Variants in FAM118A observed in about 807,000 individuals in gnomAD.
The protein encoded by FAM118A is SIR2 antiphage like 2, also known as protein FAM118A.
FAM118A carries 25 observed loss-of-function variants against 38.2 expected under a neutral mutation model. That is an observed-to-expected ratio of 0.65 (90% CI 0.48 to 0.91). FAM118A has a LOEUF of 0.91. Among genes scored for constraint, FAM118A ranks in the 40% least tolerant of loss-of-function variants. The pLI is 0.00. For synonymous variants in FAM118A, 178 were observed against 184.1 expected (o/e 0.97, Z 0.27); for missense variants, 425 against 463.3 (o/e 0.92, Z 0.76).
rs556487658 is a variant in FAM118A at position 45,327,919 on chromosome 22, G to C, written c.378G>C (p.Arg126=). 5.0e-5 allele frequency: 81 copies of C among 1,614,238 alleles called. No individual in the cohort carries two copies. The South Asian group carries it at 8.2e-4, about 16-fold the overall frequency. The change falls in exon 4 of 9, where the codon CGG becomes CGC. Residue 126 remains arginine, a synonymous_variant. Transcript: ENST00000441876. ...EVFDDLEQHI[R]SPVVLQSILS... ...TTGACGACCTGGAGCAGCACATCCG[G>C]AGTCCTGTGGTGCTGCAGTCGATCC...
chr22:45,313,665 A>G (rs2084477790), intron 1 of FAM118A, among the ~76,000 whole-genome samples: 1 of 152,180 alleles, frequency 6.6e-6, no homozygotes, highest in African/African-American at 2.4e-5. Context: ...GTATGGATTA[A>G]ACAGATTTAG....
chr22:45,314,284 G>A (rs1195609433), intron 1 of FAM118A, among the ~76,000 whole-genome samples: 1 of 152,242 alleles, frequency 6.6e-6, no homozygotes, highest in African/African-American at 2.4e-5. Flanking sequence ...TTTTCCTGGA[G>A]CTGCTCTGCC....
Position 45,330,673 on chromosome 22 carries a change from G to C in FAM118A, c.593G>C (p.Cys198Ser). 1 of 1,605,174 alleles carries C rather than the reference G, an allele frequency of 6.2e-7. No homozygotes were observed. Among genetic ancestry groups the C allele is most frequent in the Non-Finnish European group, 8.5e-7 (1 of 1,176,936 alleles). ...ATTCACGGCCTCTACACGGACCCCT[G>C]CGGGGTGGTGCTGGACCCATCGGGG... ...LHIHGLYTDP[C>S]GVVLDPSGYK... Residue 198 changes from cysteine (C) to serine (S), a missense_variant, in exon 5 of 9, where the codon TGC becomes TCC. Cys to Ser is a moderately radical substitution (Grantham distance 112). Coordinates refer to ENST00000441876, the MANE Select transcript of FAM118A (RefSeq NM_017911.4).
intron 5 of FAM118A, among the ~76,000 whole-genome samples, chr22:45,331,324 T>TA (rs1439403018): frequency 6.6e-6 from 1 of 151,288 alleles, no homozygotes; most frequent in African/African-American, 2.4e-5. Flanking sequence ...ACCTCATTTC[T>TA]AAAAAAATAA....
Position 45,309,964 on chromosome 22 carries a change from G to A in FAM118A, c.-229G>A, listed in dbSNP as rs959291156. ...GGCGCCGCTGCCGGCTAACGCGGAG[G>A]GGCGCCTGGAGGCGGCGTGGCGTCC... On this transcript the variant is annotated 5_prime_UTR_variant, in exon 1 of 9. Coordinates refer to ENST00000441876, the MANE Select transcript of FAM118A (RefSeq NM_017911.4). The A allele has an allele frequency of 6.6e-6, 1 of 152,278 alleles. No homozygotes were observed. Among genetic ancestry groups the A allele is most frequent in the African/African-American group, 2.4e-5 (1 of 41,436 alleles). The allele number at this position is 152,278 out of a possible 1,614,324, so 9.4% of individuals were successfully genotyped here.
intron 8 of FAM118A, chr22:45,337,839 T>C: frequency 2.0e-6 from 2 of 985,420 alleles, no homozygotes; most frequent in Non-Finnish European, 2.4e-6. Context: ...TGCAGGTGTC[T>C]GTGCCATCCT....
At chr22:45,311,319 C>T (rs193209567) in intron 1 of FAM118A, among the ~76,000 whole-genome samples, 6 of 152,186 alleles carry the variant, frequency 3.9e-5, no homozygotes, top group African/African-American at 7.2e-5. Flanking sequence ...ATGAAGGTGG[C>T]GTGGGAGTGA....
intron 4 of FAM118A, chr22:45,328,771 C>G (rs1439682600): frequency 8.7e-6 from 3 of 343,334 alleles, no homozygotes; most frequent in Non-Finnish European, 1.6e-5. Flanking sequence ...GAGTGAGACC[C>G]TGTCTCAAAA....
intron 3 of FAM118A, among the ~76,000 whole-genome samples, chr22:45,324,334 G>C (rs1195288060): frequency 6.6e-6 from 1 of 152,244 alleles, no homozygotes; most frequent in Non-Finnish European, 1.5e-5. Flanking sequence ...TCAACAGGCA[G>C]CTTCCGTCGG....
chr22:45,318,929 A>G (rs1457361983), intron 1 of FAM118A: 1 of 152,216 alleles, frequency 6.6e-6, no homozygotes, highest in Non-Finnish European at 1.5e-5. Flanking sequence ...CGAGCCACAG[A>G]CCACCCAGGA....
chr22:45,323,111 A>G (rs1365781659), intron 2 of FAM118A, 64 bp from the exon 3 acceptor site: 4 of 1,583,976 alleles, frequency 2.5e-6, no homozygotes, highest in African/African-American at 1.3e-5. Context: ...AGACAGTTCC[A>G]GACTTTGTGT....
intron 3 of FAM118A, 78 bp from the exon 4 acceptor site, chr22:45,327,764 C>G: frequency 2.1e-6 from 3 of 1,446,358 alleles, no homozygotes; most frequent in East Asian, 2.3e-5. Context: ...TCTCTGGCAC[C>G]CAGAAAATGG....
chr22:45,339,662 A>G (rs542502275), intron 8 of FAM118A, among the ~76,000 whole-genome samples: 1 of 152,172 alleles, frequency 6.6e-6, no homozygotes, highest in African/African-American at 2.4e-5. Flanking sequence ...TGTTTTCTGC[A>G]TATCTGGGCT....
intron 1 of FAM118A, among the ~76,000 whole-genome samples, chr22:45,317,158 C>T (rs993333200): frequency 6.6e-6 from 1 of 152,206 alleles, no homozygotes; most frequent in Non-Finnish European, 1.5e-5. Flanking sequence ...AAGTGGATTG[C>T]TTGAGGTCAG....
chr22:45,323,523 G>C, intron 3 of FAM118A, 96 bp downstream of exon 3: 5 of 1,485,596 alleles, frequency 3.4e-6, no homozygotes, highest in Non-Finnish European at 4.6e-6. Context: ...GGCCTAACTT[G>C]TGTTCAGTGC....
At chr22:45,330,252 C>T (rs1238592766) in intron 4 of FAM118A, among the ~76,000 whole-genome samples, 2 of 152,182 alleles carry the variant, frequency 1.3e-5, no homozygotes, top group Admixed American at 1.3e-4. Context: ...GTTGCCCAGG[C>T]TGGTCTCGAA....
intron 1 of FAM118A, among the ~76,000 whole-genome samples, chr22:45,313,372 G>T: frequency 6.7e-6 from 1 of 149,808 alleles, no homozygotes; most frequent in Non-Finnish European, 1.5e-5. Flanking sequence ...GCCAGGGCTG[G>T]AGTGCAATGG....
intron 8 of FAM118A, chr22:45,337,745 TG>T: frequency 2.6e-6 from 2 of 781,288 alleles, no homozygotes; most frequent in Non-Finnish European, 3.1e-6. Context: ...TCCCTTGCTC[TG>T]GCCCCCCATC....
At chr22:45,327,674 C>T (rs965006656) in intron 3 of FAM118A, among the ~76,000 whole-genome samples, 168 bp from the exon 4 acceptor site, 18 of 152,240 alleles carry the variant, frequency 1.2e-4, no homozygotes, top group Non-Finnish European at 2.4e-4. Context: ...GCGTGCTACA[C>T]GTGAGCATCC....
Sources: allele counts gnomAD v4.1 joint callset (sites outside exome capture counted in the v4.1 genomes callset), GRCh38; gene constraint gnomAD v4.1.1; transcripts MANE v1.5; gene names NCBI Gene and HGNC (gene_info 2026-07-23, HGNC 2026-07-21).